Variants in DPP6 observed in about 807,000 individuals in gnomAD.
DPP6 encodes A-type potassium channel modulatory protein DPP6.
DPP6 carries 69 observed loss-of-function variants against 122.6 expected under a neutral mutation model. That is an observed-to-expected ratio of 0.56 (90% CI 0.46 to 0.69). The LOEUF (loss-of-function observed/expected upper bound fraction) is 0.69, where lower values mean the gene tolerates loss of function less well. Ranked by LOEUF, DPP6 falls within the 30% of genes least tolerant of loss-of-function variation. The pLI, the probability that DPP6 is intolerant of heterozygous loss-of-function variation, is 0.00. For synonymous variants in DPP6, 418 were observed against 433.1 expected (o/e 0.97, Z 0.43); for missense variants, 928 against 1,116.9 (o/e 0.83, Z 2.41).
rs767832693 is a variant in DPP6, at chr7:154,475,058, C to A, written c.457+21C>A. On this transcript the variant is annotated intron_variant, in intron 3 of 25. Coordinates refer to ENST00000377770, the MANE Select transcript of DPP6 (RefSeq NM_130797.4). ...AAGTGGTGAGTCCAGGTCCTTCGTG[C>A]ACAAGACATCGCTTCCCCATGCCTC... The A allele has an allele frequency of 8.1e-5, 127 of 1,570,310 alleles. 5 individuals carry two copies. The South Asian group carries it at 1.3e-3, about 16-fold the overall frequency.
chr7:154,389,781 C>T (rs573939029), intron 1 of DPP6, among the ~76,000 whole-genome samples: 3 of 152,304 alleles, frequency 2.0e-5, no homozygotes, highest in African/African-American at 7.2e-5. Context: ...TTAAAACTCA[C>T]ACGATAACTT....
At chr7:154,504,049 T>C (rs950830310) in intron 3 of DPP6, among the ~76,000 whole-genome samples, 10 of 152,226 alleles carry the variant, frequency 6.6e-5, no homozygotes, top group African/African-American at 1.7e-4. Flanking sequence ...CTTGCTAACA[T>C]TGATGAATTT....
At chr7:154,349,703 C>T (rs141334824) in intron 1 of DPP6, among the ~76,000 whole-genome samples, 237 of 152,126 alleles carry the variant, frequency 1.6e-3, no homozygotes, top group Non-Finnish European at 2.5e-3. Flanking sequence ...TGTGACTTAA[C>T]GCCGTGTCAG....
intron 16 of DPP6, among the ~76,000 whole-genome samples, chr7:154,823,099 T>A (rs1799907916): frequency 6.6e-6 from 1 of 152,240 alleles, no homozygotes; most frequent in Non-Finnish European, 1.5e-5. Context: ...CATTTTTAGG[T>A]TACAATGAAA....
chr7:154,486,580 A>G lies in DPP6; in HGVS notation c.457+11543A>G, dbSNP rs893206483. ...ATTAATCCTCATGGCTTGACCCAAA[A>G]TACATTCTCTCTGATTTTCCAAATT... On this transcript the variant is annotated intron_variant, in intron 3 of 25. Transcript: ENST00000377770. This position sits in a 1 kb window ranked among gnomAD's most constrained non-coding sequence, Gnocchi z 4.5. Among the ~76,000 whole-genome samples, 1 of 152,210 alleles carries G rather than the reference A, an allele frequency of 6.6e-6. No homozygotes were observed. The highest frequency in any genetic ancestry group is 2.4e-5 in the African/African-American group (1 of 41,446).
At chr7:154,597,899 G>A (rs142642544) in intron 5 of DPP6, among the ~76,000 whole-genome samples, 1 of 152,258 alleles carries the variant, frequency 6.6e-6, no homozygotes, top group East Asian at 1.9e-4. Context: ...TTGTGTGCAT[G>A]TCTGTCTCTG....
chr7:154,374,453 G>T (rs1353974014), intron 1 of DPP6, among the ~76,000 whole-genome samples: 1 of 152,122 alleles, frequency 6.6e-6, no homozygotes, highest in African/African-American at 2.4e-5. Context: ...CCATAGGAGT[G>T]CATTGACACG....
intron 5 of DPP6, among the ~76,000 whole-genome samples, chr7:154,619,098 C>T (rs1404887576): frequency 2.6e-5 from 4 of 152,190 alleles, no homozygotes; most frequent in African/African-American, 7.2e-5. Flanking sequence ...TGCCTTCAGC[C>T]ATGATGATGA....
At chr7:154,480,981 TC>T (rs2151366992) in intron 3 of DPP6, among the ~76,000 whole-genome samples, 1 of 152,150 alleles carries the variant, frequency 6.6e-6, no homozygotes, top group South Asian at 2.1e-4. Context: ...CACGTGCCCA[TC>T]CTAGCCTCCA....
intron 1 of DPP6, among the ~76,000 whole-genome samples, chr7:154,306,795 A>C (rs1396471021): frequency 1.3e-5 from 2 of 152,224 alleles, no homozygotes; most frequent in East Asian, 3.8e-4. Context: ...TTTTATATTC[A>C]GTGTGACAGT....
intron 1 of DPP6, among the ~76,000 whole-genome samples, chr7:154,115,555 G>T (rs1456617354): frequency 1.3e-5 from 2 of 152,174 alleles, no homozygotes; most frequent in African/African-American, 2.4e-5. Flanking sequence ...CATCTTGATT[G>T]TCCATGGGTG....
In DPP6 at chr7:154,755,657, A is replaced by C. The variant is rs1378805934; in HGVS notation, c.884-13760A>C. 1.3e-5 allele frequency among the ~76,000 whole-genome samples: 2 copies of C among 152,212 alleles called. No homozygotes were observed. The highest frequency in any genetic ancestry group is 1.3e-4 in the Admixed American group (2 of 15,298). ...CATCACCACCCTTCTAAGAGGACTTACCCGGAAGCTGCCAAGTCTTACTGG... is the reference window on the plus strand; with the variant it reads ...CATCACCACCCTTCTAAGAGGACTTCCCCGGAAGCTGCCAAGTCTTACTGG... On this transcript the variant is annotated intron_variant, in intron 8 of 25. Coordinates refer to ENST00000377770, the MANE Select transcript of DPP6 (RefSeq NM_130797.4). The surrounding 1 kb of genome is among the most constrained non-coding windows in gnomAD (Gnocchi z 4.7).
At chr7:154,461,266 G>A (rs1821277770) in intron 2 of DPP6, among the ~76,000 whole-genome samples, 1 of 152,122 alleles carries the variant, frequency 6.6e-6, no homozygotes, top group African/African-American at 2.4e-5. Context: ...CCATTCATCT[G>A]TTGATGGACA....
At chr7:154,035,935 T>C (rs1799496255) in intron 1 of DPP6, among the ~76,000 whole-genome samples, 1 of 151,936 alleles carries the variant, frequency 6.6e-6, no homozygotes, top group Non-Finnish European at 1.5e-5. Flanking sequence ...GCCTTCCGAA[T>C]GTGAACTCAC....
intron 1 of DPP6, among the ~76,000 whole-genome samples, chr7:154,145,676 C>G (rs1246842581): frequency 1.6e-5 from 2 of 123,476 alleles, no homozygotes; most frequent in African/African-American, 3.0e-5. Flanking sequence ...GCATCGCAGA[C>G]AGCGGTTTGG....
chr7:154,126,410 C>T (rs1414049469), intron 1 of DPP6, among the ~76,000 whole-genome samples: 10 of 151,998 alleles, frequency 6.6e-5, no homozygotes, highest in Admixed American at 1.3e-4. Context: ...AAAACATTCA[C>T]GTCCAGACAG....
chr7:154,483,006 T>C lies in DPP6; in HGVS notation c.457+7969T>C, dbSNP rs1823446868. 6.6e-6 allele frequency among the ~76,000 whole-genome samples: 1 copy of C among 151,988 alleles called. No individual in the cohort carries two copies. The highest frequency in any genetic ancestry group is 2.1e-4 in the South Asian group (1 of 4,812). ...GAAATGTTCGTTAGGTATTGAGAAC[T>C]GGGGATGAAGCCAGGTGAGAGGTTG... On this transcript the variant is annotated intron_variant, in intron 3 of 25. Transcript: ENST00000377770. This position sits in a 1 kb window ranked among gnomAD's most constrained non-coding sequence, Gnocchi z 8.1.
chr7:154,053,438 T>C (rs1186553941), intron 1 of DPP6, among the ~76,000 whole-genome samples: 1 of 151,670 alleles, frequency 6.6e-6, no homozygotes, highest in Non-Finnish European at 1.5e-5. Flanking sequence ...GTTGGTTTAT[T>C]TTTTATTTAT....
chr7:154,350,896 G>C (rs972002379), intron 1 of DPP6, among the ~76,000 whole-genome samples: 21 of 152,194 alleles, frequency 1.4e-4, no homozygotes, highest in Admixed American at 1.3e-4. Context: ...ACTGGACAGT[G>C]TGTGGGAAAT....
Sources: gnomAD v4.1 joint callset for allele counts (sites outside exome capture counted in the v4.1 genomes callset) on GRCh38, gnomAD v4.1.1 for gene constraint, Gnocchi (gnomAD v3.1) non-coding constraint, MANE v1.5 for transcripts, NCBI Gene and HGNC (gene_info 2026-07-23, HGNC 2026-07-21) for gene names.